The following SPAG16 variants were observed in gnomAD, a reference collection of about 807,000 sequenced individuals.
SPAG16 encodes sperm-associated antigen 16 protein.
A neutral mutation model predicts 80.4 loss-of-function variants in SPAG16; 86 were observed. The observed-to-expected ratio is 1.07, with a 90% CI of 0.90 to 1.28. The LOEUF is 1.28. SPAG16 is among the 50% of genes most tolerant of loss of function. The pLI is 0.00. For synonymous variants in SPAG16, 294 were observed against 265.9 expected, an observed-to-expected ratio of 1.11 and a Z score of -1.03; for missense variants, 870 against 765.3, an observed-to-expected ratio of 1.14 and a Z score of -1.61.
chr2:213,883,396 C>CT (rs1181916067), intron 11 of SPAG16, among the ~76,000 whole-genome samples: 13 of 151,962 alleles, frequency 8.6e-5, no homozygotes, highest in Admixed American at 7.9e-4. Flanking sequence ...TGATTTTAAT[C>CT]TTTTTTTAAT....
chr2:213,349,876 G>T (rs1298138748), intron 6 of SPAG16, among the ~76,000 whole-genome samples: 1 of 152,156 alleles, frequency 6.6e-6, no homozygotes, highest in Non-Finnish European at 1.5e-5. Flanking sequence ...TTCATATTTT[G>T]ATAATGTATA....
intron 15 of SPAG16, among the ~76,000 whole-genome samples, chr2:214,304,899 G>C (rs372043951): frequency 6.6e-6 from 1 of 152,110 alleles, no homozygotes; most frequent in African/African-American, 2.4e-5. Flanking sequence ...CTCAGTAATG[G>C]GATTGCTTGG....
At chr2:213,796,149 G>A (rs2071016812) in intron 10 of SPAG16, among the ~76,000 whole-genome samples, 2 of 151,844 alleles carry the variant, frequency 1.3e-5, no homozygotes, top group Non-Finnish European at 2.9e-5. Flanking sequence ...AAATATTTTT[G>A]CATTTTTATT....
At chr2:213,564,806 C>G (rs1172340831) in intron 10 of SPAG16, among the ~76,000 whole-genome samples, 1 of 152,160 alleles carries the variant, frequency 6.6e-6, no homozygotes, top group Admixed American at 6.5e-5. Flanking sequence ...CTATTGACTA[C>G]ATGTTGTAGA....
At position 213,782,538 on chromosome 2, in the gene SPAG16, A is replaced by G. The variant is rs75082507; in HGVS notation, c.1071-79947A>G. ...GATCCCTTTCAAAAAGAAATTACAT[A>G]GCTGTTATTCAATAAAGATAATCGA... On this transcript the variant is annotated intron_variant, in intron 10 of 15. Coordinates refer to ENST00000331683, the MANE Select transcript of SPAG16 (RefSeq NM_024532.5). 1.8e-3 allele frequency among the ~76,000 whole-genome samples: 275 copies of G among 152,346 alleles called. 3 individuals carry two copies. In the East Asian group the frequency reaches 0.046, roughly 26 times the overall value.
chr2:213,359,608 G>T (rs2065864058), intron 7 of SPAG16, among the ~76,000 whole-genome samples: 1 of 152,234 alleles, frequency 6.6e-6, no homozygotes, highest in Admixed American at 6.5e-5. Flanking sequence ...CTCCTGGTCT[G>T]CCAGTTGCTA....
chr2:213,884,927 C>T (rs2076494792), intron 11 of SPAG16, among the ~76,000 whole-genome samples: 1 of 152,176 alleles, frequency 6.6e-6, no homozygotes, highest in South Asian at 2.1e-4. Context: ...TTTTACCTTT[C>T]TCTTGAATAT....
chr2:213,912,540 C>T (rs1212370796), intron 11 of SPAG16, among the ~76,000 whole-genome samples: 1 of 152,136 alleles, frequency 6.6e-6, no homozygotes, highest in Non-Finnish European at 1.5e-5. Context: ...AAATAGTGTG[C>T]TTTCCCACCC....
intron 9 of SPAG16, among the ~76,000 whole-genome samples, chr2:213,379,671 G>A (rs1844229): frequency 0.22 from 33,481 of 152,144 alleles, 4,537 homozygotes; most frequent in Non-Finnish European, 0.31. Context: ...AAGAGGTCCA[G>A]TATAATCAAT....
chr2:213,673,372 G>A (rs1307442866), intron 10 of SPAG16, among the ~76,000 whole-genome samples: 3 of 152,106 alleles, frequency 2.0e-5, no homozygotes. Flanking sequence ...GAAACTTACA[G>A]GGCTGATGTA....
intron 15 of SPAG16, among the ~76,000 whole-genome samples, chr2:214,315,509 A>T (rs927609438): frequency 1.8e-5 from 1 of 54,670 alleles, no homozygotes; most frequent in East Asian, 4.1e-4. Context: ...TTTTTTATTT[A>T]TTTATTTATT....
intron 11 of SPAG16, among the ~76,000 whole-genome samples, chr2:213,883,295 T>G (rs1188363643): frequency 1.3e-5 from 2 of 152,228 alleles, no homozygotes; most frequent in Non-Finnish European, 2.9e-5. Context: ...GTTGTTAAAT[T>G]TCCATATATT....
At chr2:213,507,595 A>G (rs1559202550) in intron 10 of SPAG16, among the ~76,000 whole-genome samples, 2 of 152,220 alleles carry the variant, frequency 1.3e-5, no homozygotes. Flanking sequence ...TCAGCAATGT[A>G]GTGACCTGAG....
intron 10 of SPAG16, among the ~76,000 whole-genome samples, chr2:213,757,751 T>C (rs2068421721): frequency 6.6e-6 from 1 of 152,128 alleles, no homozygotes; most frequent in East Asian, 1.9e-4. Context: ...TGGAGCAGTC[T>C]GCACAGAGCA....
At chr2:213,317,971 A>G (rs1218413320) in intron 5 of SPAG16, 3 of 153,626 alleles carry the variant, frequency 2.0e-5, no homozygotes, top group African/African-American at 7.2e-5. Flanking sequence ...TTATTAAAAA[A>G]AAGTTAATTC....
At chr2:213,430,805 GA>G (rs2070246484) in intron 9 of SPAG16, among the ~76,000 whole-genome samples, 1 of 151,808 alleles carries the variant, frequency 6.6e-6, no homozygotes, top group Non-Finnish European at 1.5e-5. Flanking sequence ...CAACACAAAG[GA>G]AAAAAATTCT....
At chr2:213,867,923 C>CACAAAAAAAAAGAAAAAAAAAAAA (rs2075762295) in intron 11 of SPAG16, among the ~76,000 whole-genome samples, 1 of 55,368 alleles carries the variant, frequency 1.8e-5, no homozygotes, top group Non-Finnish European at 3.4e-5. Flanking sequence ...GACTCTGTCT[C>CACAAAAAAAAAGAAAAAAAAAAAA]AACAAAAAAA....
rs113697530 is a variant in SPAG16, at chr2:213,670,502, T to C, written c.1070+180412T>C. On this transcript the variant is annotated intron_variant, in intron 10 of 15. Transcript: ENST00000331683. ...AGTTATTTTTTAAAGAAATCACTTA[T>C]TTGTGATTTTTTTTTTCCTAAAAGG... 3.5e-3 allele frequency among the ~76,000 whole-genome samples: 530 copies of C among 151,094 alleles called. 4 individuals carry two copies. The highest frequency in any genetic ancestry group is 0.012 in the African/African-American group (506 of 40,532).
At chr2:213,467,684 A>G (rs2072778316) in intron 9 of SPAG16, among the ~76,000 whole-genome samples, 1 of 152,180 alleles carries the variant, frequency 6.6e-6, no homozygotes, top group African/African-American at 2.4e-5. Context: ...ATTTTGAGTT[A>G]TTGGAGCCAG....
Sources: gnomAD v4.1 joint callset for allele counts (sites outside exome capture counted in the v4.1 genomes callset) on GRCh38, gnomAD v4.1.1 for gene constraint, MANE v1.5 for transcripts, NCBI Gene and HGNC (gene_info 2026-07-23, HGNC 2026-07-21) for gene names.